GLI2: variants seen among roughly 807,000 people sequenced by gnomAD.
The protein encoded by GLI2 is GLI family zinc finger 2.
GLI2 carries 22 observed loss-of-function variants against 78.9 expected under a neutral mutation model. That is an observed-to-expected ratio of 0.28 (90% confidence interval 0.20 to 0.40). GLI2 has a LOEUF of 0.40. GLI2 is among the 10% of genes least tolerant of loss of function. The pLI is 1.00. For synonymous variants in GLI2, 974 were observed against 963.7 expected (o/e 1.01, Z -0.20); for missense variants, 2,097 against 2,213.2 (o/e 0.95, Z 1.05).
chr2:120,941,509 AGGGAG>A (rs1680445941), intron 3 of GLI2, among the ~76,000 whole-genome samples: 1 of 152,160 alleles, frequency 6.6e-6, no homozygotes, highest in Non-Finnish European at 1.5e-5. Flanking sequence ...CTTGCTCTCC[AGGGAG>A]GCCCTGGGAG....
At chr2:120,908,755 C>G (rs1348099768) in intron 2 of GLI2, among the ~76,000 whole-genome samples, 1 of 152,214 alleles carries the variant, frequency 6.6e-6, no homozygotes, top group African/African-American at 2.4e-5. Context: ...GCTCCCAGCT[C>G]TAGCTTGTGT....
intron 1 of GLI2, among the ~76,000 whole-genome samples, chr2:120,765,479 G>C (rs1359441875): frequency 6.6e-6 from 1 of 152,244 alleles, no homozygotes; most frequent in Non-Finnish European, 1.5e-5. Context: ...GGTGTTGGGA[G>C]AGCCGGAACA....
At chr2:120,972,264 C>T (rs1346269839) in intron 8 of GLI2, among the ~76,000 whole-genome samples, 1 of 152,252 alleles carries the variant, frequency 6.6e-6, no homozygotes, top group Non-Finnish European at 1.5e-5. Context: ...ATACTACATT[C>T]CCATCACACA....
chr2:120,781,227 C>G (rs572226358), intron 1 of GLI2, among the ~76,000 whole-genome samples: 1 of 152,140 alleles, frequency 6.6e-6, no homozygotes, highest in South Asian at 2.1e-4. Context: ...GCACTGAGGG[C>G]CAGTCCTTTG....
chr2:120,788,737 T>TAGAC (rs1015559860), intron 1 of GLI2, among the ~76,000 whole-genome samples: 23 of 152,252 alleles, frequency 1.5e-4, no homozygotes, highest in African/African-American at 5.3e-4. Context: ...CAAGGAGCGA[T>TAGAC]AAAGAAGCAG....
intron 1 of GLI2, among the ~76,000 whole-genome samples, chr2:120,789,090 G>A (rs1257740702): frequency 2.7e-5 from 4 of 145,694 alleles, no homozygotes; most frequent in Non-Finnish European, 5.9e-5. Context: ...GGAGTGTAGC[G>A]ACACGATCTC....
intron 2 of GLI2, among the ~76,000 whole-genome samples, chr2:120,816,383 CG>C (rs1685495393): frequency 6.6e-6 from 1 of 151,814 alleles, no homozygotes; most frequent in Non-Finnish European, 1.5e-5. Flanking sequence ...TTTGTAGAGA[CG>C]GGGTTTTGCC....
At chr2:120,923,282 AAC>A (rs995356185) in intron 2 of GLI2, among the ~76,000 whole-genome samples, 2 of 6,102 alleles carry the variant, frequency 3.3e-4, no homozygotes, top group Non-Finnish European at 6.2e-4. Flanking sequence ...ATACATGTAC[AAC>A]ACACACATAC....
intron 5 of GLI2, among the ~76,000 whole-genome samples, chr2:120,958,535 A>G (rs1007068888): frequency 6.6e-6 from 1 of 151,936 alleles, no homozygotes; most frequent in African/African-American, 2.4e-5. Context: ...CTGCTCATCC[A>G]GCATCCCCAT....
intron 3 of GLI2, among the ~76,000 whole-genome samples, chr2:120,930,953 G>A (rs1244438138): frequency 1.3e-5 from 2 of 152,212 alleles, no homozygotes; most frequent in African/African-American, 4.8e-5. Context: ...GAAGGGGGCC[G>A]TGGATGCTGG....
At chr2:120,865,473 C>G (rs971106331) in intron 2 of GLI2, among the ~76,000 whole-genome samples, 1 of 152,164 alleles carries the variant, frequency 6.6e-6, no homozygotes, top group Admixed American at 6.5e-5. Flanking sequence ...CTAGTTCTCC[C>G]CCGAGGCTGA....
chr2:120,911,447 G>A (rs1311623479), intron 2 of GLI2, among the ~76,000 whole-genome samples: 3 of 150,948 alleles, frequency 2.0e-5, no homozygotes, highest in South Asian at 2.1e-4. Context: ...GGGCCAGTGC[G>A]TGGCTGACTC....
chr2:120,989,359 G>T lies in GLI2; in HGVS notation c.3394G>T (p.Val1132Leu). 1 of 1,612,988 alleles carries T rather than the reference G, an allele frequency of 6.2e-7. No homozygotes were observed. The highest frequency in any genetic ancestry group is 1.3e-5 in the African/African-American group (1 of 75,050). The change falls in exon 14 of 14, where the codon GTG (valine) becomes TTG (leucine). Residue 1132 changes from valine (V) to leucine (L), a missense_variant. Val to Leu is a conservative substitution (Grantham distance 32). Around this residue, in one of 5 missense-constraint regions of GLI2, gnomAD observed 1,290 missense variants for 1,261.7 expected, o/e 1.02. Transcript: ENST00000361492. ...TAACATGCCTGTGCAGTGGAATGAG[G>T]TGAGCTCCGGCACCGTAGACGCCCT... ...KNNMPVQWNE[V>L]SSGTVDALAS... is the part of the protein sequence containing the mutation.
At chr2:120,914,467 T>C (rs536885210) in intron 2 of GLI2, among the ~76,000 whole-genome samples, 1 of 152,352 alleles carries the variant, frequency 6.6e-6, no homozygotes, top group South Asian at 2.1e-4. Context: ...CACACTACTT[T>C]TTTAGAAACC....
intron 2 of GLI2, among the ~76,000 whole-genome samples, chr2:120,825,062 C>A (rs1558817892): frequency 6.6e-6 from 1 of 152,152 alleles, no homozygotes; most frequent in South Asian, 2.1e-4. Context: ...TCTCGAACTC[C>A]TGACCTCAAG....
intron 1 of GLI2, among the ~76,000 whole-genome samples, chr2:120,753,963 A>G (rs1478447661): frequency 6.6e-6 from 1 of 151,920 alleles, no homozygotes; most frequent in Admixed American, 6.6e-5. Flanking sequence ...CACATGTTAC[A>G]AACATTTTTT....
chr2:120,884,294 G>A (rs909412397), intron 2 of GLI2, among the ~76,000 whole-genome samples: 5 of 152,144 alleles, frequency 3.3e-5, no homozygotes, highest in Admixed American at 6.5e-5. Flanking sequence ...GCCCATGTGC[G>A]GGCCAAGGGG....
chr2:120,764,729 T>TGTTG (rs1044431330), intron 1 of GLI2, among the ~76,000 whole-genome samples: 1 of 152,238 alleles, frequency 6.6e-6, no homozygotes, highest in Non-Finnish European at 1.5e-5. Flanking sequence ...TAAAAGTGCG[T>TGTTG]GTTGCTATTT....
At chr2:120,748,370 A>G (rs1263572380) in intron 1 of GLI2, among the ~76,000 whole-genome samples, 2 of 152,220 alleles carry the variant, frequency 1.3e-5, no homozygotes, top group East Asian at 3.8e-4. Context: ...TTGCCTGAGC[A>G]GTTTGGAAGG....
Sources: gnomAD v4.1 joint callset for allele counts (sites outside exome capture counted in the v4.1 genomes callset) on GRCh38, gnomAD v4.1.1 for gene constraint, gnomAD v4.1.1 regional missense constraint, MANE v1.5 for transcripts, NCBI Gene and HGNC (gene_info 2026-07-23, HGNC 2026-07-21) for gene names.